Variants in DDR2 observed in about 807,000 individuals in gnomAD.
DDR2 encodes the protein discoidin domain-containing receptor 2.
In DDR2, 27 loss-of-function variants were observed where a neutral mutation model predicts 94.9. The observed-to-expected ratio is 0.28, with a 90% CI of 0.21 to 0.39. The LOEUF (loss-of-function observed/expected upper bound fraction) is 0.39. Among genes scored for constraint, DDR2 ranks in the 10% least tolerant of loss-of-function variants. DDR2 has a pLI of 1.00. For synonymous variants in DDR2, 382 were observed against 377.2 expected (o/e 1.01, Z -0.15); for missense variants, 783 against 1,076.0 (o/e 0.73, Z 3.81).
intron 2 of DDR2, among the ~76,000 whole-genome samples, chr1:162,699,430 G>A (rs925139516): frequency 1.3e-5 from 2 of 152,068 alleles, no homozygotes; most frequent in African/African-American, 2.4e-5. Flanking sequence ...ACCTTGTCTT[G>A]TACTGTGAAC....
chr1:162,687,810 T>G lies in DDR2; in HGVS notation c.-27-31227T>G, dbSNP rs184164512. Among the ~76,000 whole-genome samples, 306 of 152,268 alleles carry G rather than the reference T, an allele frequency of 2.0e-3. 3 individuals carry two copies. The highest frequency in any genetic ancestry group is 1.4e-3 in the Non-Finnish European group (92 of 68,014). On this transcript the variant is annotated intron_variant, in intron 2 of 17. Coordinates refer to ENST00000367921, the MANE Select transcript of DDR2 (RefSeq NM_006182.4). ...GGCCCTAGTGCAGTTACATACCTGG[T>G]CCTGCAACAAATAATGAGTATTTAG...
chr1:162,694,355 A>G (rs896763949), intron 2 of DDR2, among the ~76,000 whole-genome samples: 18 of 152,032 alleles, frequency 1.2e-4, no homozygotes, highest in African/African-American at 4.3e-4. Flanking sequence ...AGGCGATTCC[A>G]TGTTTCCCAC....
At chr1:162,688,142 G>C (rs7523930) in intron 2 of DDR2, among the ~76,000 whole-genome samples, 10 of 152,188 alleles carry the variant, frequency 6.6e-5, no homozygotes, top group African/African-American at 2.4e-4. Context: ...ATGGGAATAC[G>C]TGAGCGTGCA....
intron 2 of DDR2, among the ~76,000 whole-genome samples, chr1:162,673,185 A>G (rs1658953233): frequency 6.6e-6 from 1 of 152,202 alleles, no homozygotes; most frequent in Non-Finnish European, 1.5e-5. Flanking sequence ...ACATCATTAA[A>G]AAGTTTGTGC....
chr1:162,775,949 TG>T lies in DDR2; in HGVS notation c.2048+111del, dbSNP rs1647527430. On this transcript the variant is annotated intron_variant, in intron 15 of 17. Transcript: ENST00000367921. ...AAAGTGTATCAATGTTCTGGGATGG[TG>T]GGGGAAGTCAGTGTGCAGGGAATAA... 5.1e-5 allele frequency: 77 copies of T among 1,497,078 alleles called. 2 individuals are homozygous for T. The South Asian group carries it at 8.7e-4, about 17-fold the overall frequency. 92.7% of individuals were successfully genotyped at this position (1,497,078 alleles called of 1,614,324 possible). A position where few individuals can be genotyped will look rare whatever the true frequency, so the allele number is the denominator to read the frequency against.
chr1:162,655,122 T>A (rs979243439), intron 1 of DDR2, 89 bp from the exon 2 acceptor site: 3 of 152,114 alleles, frequency 2.0e-5, no homozygotes, highest in African/African-American at 7.2e-5. Context: ...AGGTTTCTGT[T>A]GCACGGCGCT....
chr1:162,672,477 T>C (rs1268786063), intron 2 of DDR2, among the ~76,000 whole-genome samples: 1 of 152,180 alleles, frequency 6.6e-6, no homozygotes, highest in African/African-American at 2.4e-5. Flanking sequence ...ACAAACTACA[T>C]CATACATGAT....
At chr1:162,776,921 CTT>C (rs1410496158) in intron 16 of DDR2, among the ~76,000 whole-genome samples, 1 of 152,060 alleles carries the variant, frequency 6.6e-6, no homozygotes, top group Non-Finnish European at 1.5e-5. Context: ...ATACCTGAGA[CTT>C]TTTATTGTTG....
At chr1:162,750,658 A>G (rs534621041) in intron 3 of DDR2, among the ~76,000 whole-genome samples, 4 of 152,332 alleles carry the variant, frequency 2.6e-5, no homozygotes, top group South Asian at 2.1e-4. Flanking sequence ...TAAAGTTCAT[A>G]TGGAACCAAA....
In DDR2 at chr1:162,663,241, G is replaced by A. The variant is rs530840258; in HGVS notation, c.-28+7867G>A. ...AGAGAGTGAGTTGAATTTGAAAAAT[G>A]TTGAGTGTGACATCTGGCAGTCAAA... On this transcript the variant is annotated intron_variant, in intron 2 of 17. Transcript: ENST00000367921. Among the ~76,000 whole-genome samples the A allele has an allele frequency of 7.0e-4, 106 of 152,240 alleles. 2 individuals carry two copies. The highest frequency in any genetic ancestry group is 3.4e-4 in the Non-Finnish European group (23 of 68,014).
intron 2 of DDR2, among the ~76,000 whole-genome samples, chr1:162,699,472 T>A (rs533731577): frequency 3.9e-5 from 6 of 152,202 alleles, no homozygotes; most frequent in Non-Finnish European, 8.8e-5. Context: ...ACTGTAGCAG[T>A]TGTTCCAGTT....
At chr1:162,755,572 G>A (rs1185814654) in intron 6 of DDR2, 92 bp from the exon 7 acceptor site, 10 of 1,260,276 alleles carry the variant, frequency 7.9e-6, no homozygotes, top group Admixed American at 5.1e-5. Flanking sequence ...TGCTGGACAC[G>A]CTGTGCAAGC....
At chr1:162,767,126 C>A (rs1423599781) in intron 10 of DDR2, 103 bp from the exon 11 acceptor site, 1 of 1,537,694 alleles carries the variant, frequency 6.5e-7, no homozygotes, top group Non-Finnish European at 9.0e-7. Flanking sequence ...CCATAATTAT[C>A]CTCAAGGAAC....
chr1:162,653,612 T>C (rs1424246228), intron 1 of DDR2, among the ~76,000 whole-genome samples: 1 of 151,954 alleles, frequency 6.6e-6, no homozygotes, highest in African/African-American at 2.4e-5. Context: ...TTGGGGACAT[T>C]TGGGTCCTAT....
intron 3 of DDR2, among the ~76,000 whole-genome samples, chr1:162,730,036 C>G (rs954121349): frequency 7.7e-6 from 1 of 129,138 alleles, no homozygotes; most frequent in Non-Finnish European, 1.6e-5. Flanking sequence ...GCCACCATGC[C>G]TGGCTTTTTT....
At chr1:162,643,870 G>A (rs1444005570) in intron 1 of DDR2, among the ~76,000 whole-genome samples, 3 of 152,174 alleles carry the variant, frequency 2.0e-5, no homozygotes, top group Non-Finnish European at 4.4e-5. Flanking sequence ...GGTTGGGTAC[G>A]GTTAGGGCAA....
intron 1 of DDR2, among the ~76,000 whole-genome samples, chr1:162,651,747 A>C (rs1323363187): frequency 6.6e-6 from 1 of 152,344 alleles, no homozygotes; most frequent in African/African-American, 2.4e-5. Flanking sequence ...ATCTCCTAAC[A>C]AAATACTAAT....
At chr1:162,680,390 A>G (rs936741062) in intron 2 of DDR2, among the ~76,000 whole-genome samples, 4 of 152,204 alleles carry the variant, frequency 2.6e-5, no homozygotes, top group African/African-American at 4.8e-5. Flanking sequence ...TTGAATGGAG[A>G]GTCCTTTTCC....
chr1:162,783,461 T>TA lies in DDR2; in HGVS notation c.*3216dup. 1 of 151,994 alleles carries TA rather than the reference T, an allele frequency of 6.6e-6. No homozygotes were observed. Among genetic ancestry groups the TA allele is most frequent in the Admixed American group, 6.6e-5 (1 of 15,256 alleles). The allele number at this position is 151,994 out of a possible 1,614,324, so 9.4% of individuals were successfully genotyped here. A position where few individuals can be genotyped will look rare whatever the true frequency, so the allele number is the denominator to read the frequency against. Reference sequence around the variant, plus strand: ...GGAAGGTCAGGGCTAGAAAGGAGGCTACATAAAAAGGGGCAATGGAGAATG... The same window carrying TA: ...GGAAGGTCAGGGCTAGAAAGGAGGCTAACATAAAAAGGGGCAATGGAGAATG... On this transcript the variant is annotated 3_prime_UTR_variant, in exon 18 of 18. Coordinates refer to ENST00000367921, the MANE Select transcript of DDR2 (RefSeq NM_006182.4).
Sources: allele counts gnomAD v4.1 joint callset (sites outside exome capture counted in the v4.1 genomes callset), GRCh38; gene constraint gnomAD v4.1.1; transcripts MANE v1.5; gene names NCBI Gene and HGNC (gene_info 2026-07-23, HGNC 2026-07-21).